The following KIFC3 variants were observed in gnomAD, a reference collection of about 807,000 sequenced individuals.
KIFC3 encodes kinesin-like protein KIFC3.
In KIFC3, 60 loss-of-function variants were observed where a neutral mutation model predicts 101.8. The observed-to-expected ratio is 0.59, with a 90% CI of 0.48 to 0.73. KIFC3 has a LOEUF of 0.73. Ranked by LOEUF, KIFC3 falls within the 30% of genes least tolerant of loss-of-function variation. The probability of loss-of-function intolerance (pLI) is 0.00; values close to 1 mark genes in which losing one functional copy is unlikely to be tolerated. For synonymous variants in KIFC3, 476 were observed against 482.7 expected, an observed-to-expected ratio of 0.99 and a Z score of 0.18; for missense variants, 966 against 1,137.1, an observed-to-expected ratio of 0.85 and a Z score of 2.16.
In KIFC3 at chr16:57,769,978, C is replaced by G; in HGVS notation, c.940-23G>C. 1.2e-6 allele frequency: 2 copies of G among 1,605,574 alleles called. No homozygotes were observed. The highest frequency in any genetic ancestry group is 1.7e-6 in the Non-Finnish European group (2 of 1,178,486). On this transcript the variant is annotated intron_variant, in intron 7 of 19. Transcript: ENST00000445690. This position sits in a 1 kb window ranked among gnomAD's most constrained non-coding sequence, Gnocchi z 4.3. ...AATCTGGCCAGACCAGGAAAAGGCTCAGTACCTCGAGGTGCGGGAGAGAGA... is the reference window on the plus strand; with the variant it reads ...AATCTGGCCAGACCAGGAAAAGGCTGAGTACCTCGAGGTGCGGGAGAGAGA...
chr16:57,764,272 T>TGTTGGGG, intron 11 of KIFC3, 25 bp from the exon 12 acceptor site: 1 of 495,562 alleles, frequency 2.0e-6, no homozygotes, highest in Non-Finnish European at 4.0e-6. Context: ...GGAGGGAGGC[T>TGTTGGGG]GGTGGGGGGG....
At chr16:57,795,410 C>T (rs1568046107) in intron 2 of KIFC3, among the ~76,000 whole-genome samples, 1 of 152,238 alleles carries the variant, frequency 6.6e-6, no homozygotes, top group African/African-American at 2.4e-5. Context: ...GGAGGCTCCC[C>T]TATCCCCACA....
At chr16:57,785,141 C>T (rs1555616914) in intron 3 of KIFC3, among the ~76,000 whole-genome samples, 1 of 152,194 alleles carries the variant, frequency 6.6e-6, no homozygotes, top group Non-Finnish European at 1.5e-5. Context: ...AAGCACCCCG[C>T]ACCTTCCTGC....
At position 57,824,802 on chromosome 16, in the gene KIFC3, G is replaced by A. The variant is rs992126037; in HGVS notation, c.109-26520C>T. On this transcript the variant is annotated intron_variant, in intron 1 of 2. Transcript: ENST00000563028. Reference sequence around the variant, plus strand: ...GTGGGGAGGCCAGCCCTGCACCCCCGGTACCTTTTTCTAAGGAATTTTTGT... The same window carrying A: ...GTGGGGAGGCCAGCCCTGCACCCCCAGTACCTTTTTCTAAGGAATTTTTGT... Among the ~76,000 whole-genome samples, 28 of 152,242 alleles carry A rather than the reference G, an allele frequency of 1.8e-4. 1 individual carries two copies. Among genetic ancestry groups the A allele is most frequent in the South Asian group, 1.2e-3 (6 of 4,816 alleles).
chr16:57,808,184 T>TC (rs372362879), upstream of KIFC3, among the ~76,000 whole-genome samples: 28 of 151,874 alleles, frequency 1.8e-4, no homozygotes, highest in Non-Finnish European at 2.9e-4. Flanking sequence ...AGGTTTTTTT[T>TC]CCCCTTTTAT....
At chr16:57,765,146 G>C (rs892420548) in intron 11 of KIFC3, among the ~76,000 whole-genome samples, 1 of 146,870 alleles carries the variant, frequency 6.8e-6, no homozygotes, top group African/African-American at 2.5e-5. Context: ...AATGAGTTAC[G>C]ATAGTGGGAA....
intron 3 of KIFC3, among the ~76,000 whole-genome samples, chr16:57,785,232 C>G (rs2053192169): frequency 6.6e-6 from 1 of 152,128 alleles, no homozygotes; most frequent in Non-Finnish European, 1.5e-5. Flanking sequence ...CAAGGAGGAC[C>G]AGGATGGGAG....
chr16:57,815,781 C>T, intron 1 of KIFC3: 1 of 586,182 alleles, frequency 1.7e-6, no homozygotes, highest in South Asian at 1.7e-5. Flanking sequence ...TTGGGATCAC[C>T]AACTTCTTCT....
At position 57,840,760 on chromosome 16, in the gene KIFC3, CA is replaced by C. The variant is rs11447265; in HGVS notation, c.108+21968del. Among the ~76,000 whole-genome samples, 469 of 100,040 alleles carry C rather than the reference CA, an allele frequency of 4.7e-3. 1 individual carries two copies. The highest frequency in any genetic ancestry group is 8.9e-3 in the East Asian group (27 of 3,028). 65.6% of individuals were successfully genotyped at this position (100,040 alleles called of 152,430 possible). On this transcript the variant is annotated intron_variant, in intron 1 of 2. Coordinates refer to the KIFC3 transcript ENST00000563028. ...GGGCAACAAGAGCGAAACTCTGTCTCAAAAAAAAAAAAAAAAAAGTTAAAAT... is the reference window on the plus strand; with the variant it reads ...GGGCAACAAGAGCGAAACTCTGTCTCAAAAAAAAAAAAAAAAAGTTAAAAT...
At chr16:57,784,615 A>T (rs1568016665) in intron 3 of KIFC3, among the ~76,000 whole-genome samples, 4 of 152,080 alleles carry the variant, frequency 2.6e-5, no homozygotes, top group Admixed American at 1.3e-4. Flanking sequence ...CTGTCAACAG[A>T]GTGCTGGGCC....
chr16:57,789,553 G>A (rs2053665578), intron 3 of KIFC3, among the ~76,000 whole-genome samples: 1 of 152,228 alleles, frequency 6.6e-6, no homozygotes, highest in South Asian at 2.1e-4. Context: ...GGGGGGGATG[G>A]TGTAGTGGCT....
intron 11 of KIFC3, among the ~76,000 whole-genome samples, chr16:57,764,778 G>A (rs1196222413): frequency 1.3e-5 from 2 of 152,152 alleles, no homozygotes; most frequent in East Asian, 3.9e-4. Flanking sequence ...TCCCGGATGG[G>A]GAAGATGGGC....
chr16:57,810,256 C>T (rs1381629784), intron 1 of KIFC3, among the ~76,000 whole-genome samples: 1 of 152,200 alleles, frequency 6.6e-6, no homozygotes, highest in Middle Eastern at 3.2e-3. Context: ...CCACGTGCTC[C>T]TGGAAAGCCA....
intron 1 of KIFC3, among the ~76,000 whole-genome samples, chr16:57,848,194 C>A (rs1279270637): frequency 6.6e-6 from 1 of 152,118 alleles, no homozygotes; most frequent in Non-Finnish European, 1.5e-5. Context: ...CTTGAAGTTG[C>A]CATACATTTT....
At chr16:57,825,829 G>A (rs1351702771) in intron 1 of KIFC3, among the ~76,000 whole-genome samples, 1 of 152,042 alleles carries the variant, frequency 6.6e-6, no homozygotes, top group Non-Finnish European at 1.5e-5. Context: ...GTACAGGTGT[G>A]CACCACCATG....
At chr16:57,850,584 T>A (rs2056032603) in intron 1 of KIFC3, among the ~76,000 whole-genome samples, 1 of 146,480 alleles carries the variant, frequency 6.8e-6, no homozygotes, top group Admixed American at 7.0e-5. Context: ...CAAGCGATTC[T>A]CCTGCCTCAG....
intron 1 of KIFC3, among the ~76,000 whole-genome samples, chr16:57,812,545 T>C (rs2055111495): frequency 6.6e-6 from 1 of 152,150 alleles, no homozygotes; most frequent in African/African-American, 2.4e-5. Flanking sequence ...GATGGGGCCC[T>C]GGCCTTTGGT....
chr16:57,827,819 T>C (rs2967137), intron 1 of KIFC3, among the ~76,000 whole-genome samples: 81,246 of 152,102 alleles, frequency 0.53, 23,959 homozygotes, highest in African/African-American at 0.79. Flanking sequence ...ATCCTGAAGA[T>C]GAAAGCTGAT....
intron 3 of KIFC3, among the ~76,000 whole-genome samples, chr16:57,772,559 A>G (rs2051394315): frequency 6.6e-6 from 1 of 152,110 alleles, no homozygotes; most frequent in African/African-American, 2.4e-5. Context: ...AAGTGCAACC[A>G]AGGCCACCCC....
Sources: gnomAD v4.1 joint callset for allele counts (sites outside exome capture counted in the v4.1 genomes callset) on GRCh38, gnomAD v4.1.1 for gene constraint, Gnocchi (gnomAD v3.1) non-coding constraint, MANE v1.5 for transcripts, NCBI Gene and HGNC (gene_info 2026-07-23, HGNC 2026-07-21) for gene names.